The following MAP6 variants were observed in gnomAD, a reference collection of about 807,000 sequenced individuals.
MAP6 encodes the protein microtubule associated protein 6.
A neutral mutation model predicts 42.4 loss-of-function variants in MAP6; 26 were observed. That is an observed-to-expected ratio of 0.61 (90% CI 0.45 to 0.85). MAP6 has a LOEUF of 0.85. Among genes scored for constraint, MAP6 ranks in the 40% least tolerant of loss-of-function variants. MAP6 has a pLI of 0.00. For synonymous variants in MAP6, 418 were observed against 443.8 expected, an observed-to-expected ratio of 0.94 and a Z score of 0.73; for missense variants, 966 against 1,099.0, an observed-to-expected ratio of 0.88 and a Z score of 1.71.
intron 1 of MAP6, among the ~76,000 whole-genome samples, chr11:75,621,942 G>C (rs981895174): frequency 3.3e-5 from 5 of 152,038 alleles, no homozygotes; most frequent in African/African-American, 1.2e-4. Context: ...AGAATCGCTT[G>C]AACCCGGGAA....
chr11:75,640,916 G>A (rs1358692953), intron 1 of MAP6, among the ~76,000 whole-genome samples: 4 of 152,160 alleles, frequency 2.6e-5, no homozygotes, highest in African/African-American at 9.7e-5. Context: ...CATTGTGGAA[G>A]TCAGTGTGGC....
chr11:75,664,528 C>T (rs1380830203), intron 1 of MAP6, among the ~76,000 whole-genome samples: 4 of 152,182 alleles, frequency 2.6e-5, no homozygotes, highest in Admixed American at 6.5e-5. Context: ...GTCCATGAGA[C>T]GAACCAGTCA....
At chr11:75,658,031 T>C (rs932641926) in intron 1 of MAP6, among the ~76,000 whole-genome samples, 1 of 152,256 alleles carries the variant, frequency 6.6e-6, no homozygotes, top group Non-Finnish European at 1.5e-5. Context: ...TACCCTGCTA[T>C]ATAATATTCT....
intron 1 of MAP6, among the ~76,000 whole-genome samples, chr11:75,622,895 A>G (rs1055931858): frequency 6.6e-6 from 1 of 152,234 alleles, no homozygotes; most frequent in African/African-American, 2.4e-5. Context: ...CAGGAATTTA[A>G]TGAACCGATT....
At chr11:75,600,606 C>A (rs1162019196) in intron 3 of MAP6, among the ~76,000 whole-genome samples, 1 of 152,158 alleles carries the variant, frequency 6.6e-6, no homozygotes, top group Admixed American at 6.5e-5. Flanking sequence ...CTTTCCTAAC[C>A]CTGCTGGTCT....
chr11:75,627,982 G>A lies in MAP6; in HGVS notation c.906-19660C>T, dbSNP rs531566726. On this transcript the variant is annotated intron_variant, in intron 1 of 3. Coordinates refer to ENST00000304771, the MANE Select transcript of MAP6 (RefSeq NM_033063.2). ...CAAGAGCTCTGTGTGCTGTGACGGG[G>A]CTACTTCTCCCTTCGACTGAAATCA... Among the ~76,000 whole-genome samples the A allele has an allele frequency of 2.0e-5, 3 of 152,250 alleles. No homozygotes were observed. The South Asian group carries it at 6.2e-4, about 32-fold the overall frequency.
intron 1 of MAP6, among the ~76,000 whole-genome samples, chr11:75,659,353 G>A (rs559244592): frequency 6.6e-5 from 10 of 152,100 alleles, no homozygotes; most frequent in Admixed American, 1.3e-4. Context: ...GTGGTGGTGC[G>A]TGCCTGTAGT....
At chr11:75,613,369 A>C (rs926730839) in intron 1 of MAP6, among the ~76,000 whole-genome samples, 3 of 151,922 alleles carry the variant, frequency 2.0e-5, no homozygotes, top group Non-Finnish European at 4.4e-5. Context: ...CTTCAAGCTC[A>C]TGGTCACTTT....
intron 1 of MAP6, among the ~76,000 whole-genome samples, chr11:75,644,590 T>C (rs547134555): frequency 4.6e-5 from 7 of 152,296 alleles, no homozygotes; most frequent in African/African-American, 1.7e-4. Flanking sequence ...ATGTGCCTGA[T>C]ACCAAAGTTT....
At chr11:75,652,428 T>C (rs969494777) in intron 1 of MAP6, among the ~76,000 whole-genome samples, 1 of 151,560 alleles carries the variant, frequency 6.6e-6, no homozygotes, top group Non-Finnish European at 1.5e-5. Flanking sequence ...TGCCTGATTG[T>C]TTTGCCTGCT....
At chr11:75,591,829 C>T (rs1413185301) in intron 3 of MAP6, among the ~76,000 whole-genome samples, 1 of 152,200 alleles carries the variant, frequency 6.6e-6, no homozygotes, top group Non-Finnish European at 1.5e-5. Context: ...AGTTTCCCCA[C>T]CTATCAAGTG....
chr11:75,619,978 CTG>C (rs1345273623), intron 1 of MAP6, among the ~76,000 whole-genome samples: 3 of 152,162 alleles, frequency 2.0e-5, no homozygotes, highest in Non-Finnish European at 2.9e-5. Flanking sequence ...TCACCAGCAT[CTG>C]TTATTTTTTG....
At position 75,668,205 on chromosome 11, in the gene MAP6, C is replaced by G; in HGVS notation, c.165G>C (p.Pro55=). The change falls in exon 1 of 4, where the codon CCG becomes CCC. Residue 55 remains proline, a synonymous_variant. Coordinates refer to ENST00000304771, the MANE Select transcript of MAP6 (RefSeq NM_033063.2). ...QPPPPQQQAQ[P]ALAPPSARAV... is the part of the protein sequence containing the mutation. ...CGCGCGCCGAGGGGGGCGCGAGCGC[C>G]GGCTGCGCCTGCTGCTGCGGCGGCG... 4 of 1,275,846 alleles carry G rather than the reference C, an allele frequency of 3.1e-6. No homozygotes were observed. The highest frequency in any genetic ancestry group is 3.9e-6 in the Non-Finnish European group (4 of 1,019,672). 79.0% of individuals were successfully genotyped at this position (1,275,846 alleles called of 1,614,324 possible). A position where few individuals can be genotyped will look rare whatever the true frequency, so the allele number is the denominator to read the frequency against.
rs560318927 is a variant in MAP6, at chr11:75,619,074, G to T, written c.906-10752C>A. Among the ~76,000 whole-genome samples the T allele has an allele frequency of 3.9e-5, 6 of 152,258 alleles. No individual in the cohort carries two copies. The South Asian group carries it at 1.0e-3, about 26-fold the overall frequency. The stretch of plus-strand genomic sequence containing the variant: ...AGGCTTTTGGAGGTCCAGGCCTGGG[G>T]CCAAGCAGGAAAGTGTGTGTGAGTG... On this transcript the variant is annotated intron_variant, in intron 1 of 3. Transcript: ENST00000304771.
At position 75,586,956 on chromosome 11, in the gene MAP6, C is replaced by T. The variant is rs1230615427; in HGVS notation, c.*103G>A. ...CCATTTTTATTAGATTCCAGCAAGA[C>T]TACTGTACATGTTTCATGCAGATTA... On this transcript the variant is annotated 3_prime_UTR_variant, in exon 4 of 4. Coordinates refer to ENST00000304771, the MANE Select transcript of MAP6 (RefSeq NM_033063.2). 15 of 1,247,890 alleles carry T rather than the reference C, an allele frequency of 1.2e-5. No individual in the cohort carries two copies. The South Asian group carries it at 2.3e-4, about 19-fold the overall frequency. The allele number at this position is 1,247,890 out of a possible 1,614,324, so 77.3% of individuals were successfully genotyped here. A position where few individuals can be genotyped will look rare whatever the true frequency, so the allele number is the denominator to read the frequency against.
intron 1 of MAP6, among the ~76,000 whole-genome samples, chr11:75,658,120 T>C (rs1182518117): frequency 1.3e-5 from 2 of 152,242 alleles, no homozygotes; most frequent in East Asian, 1.9e-4. Context: ...CTATTAATAA[T>C]GCTGCTATAA....
At chr11:75,663,291 T>G (rs931858141) in intron 1 of MAP6, among the ~76,000 whole-genome samples, 1 of 152,110 alleles carries the variant, frequency 6.6e-6, no homozygotes, top group Non-Finnish European at 1.5e-5. Flanking sequence ...GATTTGGACT[T>G]TAACTTGATT....
intron 1 of MAP6, among the ~76,000 whole-genome samples, chr11:75,619,778 G>A (rs545589842): frequency 5.3e-5 from 8 of 152,230 alleles, no homozygotes; most frequent in Non-Finnish European, 1.0e-4. Context: ...ATAGTGCTGC[G>A]GTGAACATAT....
At chr11:75,640,650 A>C (rs1268887363) in intron 1 of MAP6, among the ~76,000 whole-genome samples, 6 of 152,234 alleles carry the variant, frequency 3.9e-5, no homozygotes, top group Non-Finnish European at 8.8e-5. Flanking sequence ...AAAAACAAAC[A>C]ACCACATCAA....
Sources: allele counts gnomAD v4.1 joint callset (sites outside exome capture counted in the v4.1 genomes callset), GRCh38; gene constraint gnomAD v4.1.1; transcripts MANE v1.5; gene names NCBI Gene and HGNC (gene_info 2026-07-23, HGNC 2026-07-21).